Variants in ANKS1A observed in about 807,000 individuals in gnomAD.
The protein encoded by ANKS1A is ankyrin repeat and SAM domain-containing protein 1A.
In ANKS1A, 55 loss-of-function variants were observed where a neutral mutation model predicts 120.3. The ratio of observed to expected loss-of-function variants is 0.46; its 90% CI spans 0.37 to 0.57. ANKS1A has a LOEUF of 0.57. Ranked by LOEUF, ANKS1A falls within the 20% of genes least tolerant of loss-of-function variation. ANKS1A has a pLI of 0.00. For missense variants in ANKS1A, 1,123 were observed against 1,480.3 expected, an observed-to-expected ratio of 0.76 and a Z score of 3.96; for synonymous variants, 590 against 604.7, an observed-to-expected ratio of 0.98 and a Z score of 0.36.
chr6:34,982,072 T>C lies in ANKS1A; in HGVS notation c.732+86T>C, dbSNP rs1285282137. On this transcript the variant is annotated intron_variant, in intron 4 of 23. Coordinates refer to ENST00000360359, the MANE Select transcript of ANKS1A (RefSeq NM_015245.3). The surrounding 1 kb of genome is among the most constrained non-coding windows in gnomAD (Gnocchi z 4.9). Reference sequence around the variant, plus strand: ...CAAGGACCATGCTGCTGGGCTGTGCTCTTTATTTAGCACGTTTCACATCAT... The same window carrying C: ...CAAGGACCATGCTGCTGGGCTGTGCCCTTTATTTAGCACGTTTCACATCAT... The C allele has an allele frequency of 1.3e-5, 20 of 1,489,580 alleles. No homozygotes were observed. The highest frequency in any genetic ancestry group is 1.7e-5 in the Non-Finnish European group (19 of 1,105,744). The allele number at this position is 1,489,580 out of a possible 1,614,324, so 92.3% of individuals were successfully genotyped here. A position where few individuals can be genotyped will look rare whatever the true frequency, so the allele number is the denominator to read the frequency against.
chr6:35,086,032 C>A lies in ANKS1A; in HGVS notation c.3303+96C>A. Reference sequence around the variant, plus strand: ...CGTGAGGAGGGTCTTCTGGCACTTCCAGAAAGCTGGCCCTCCAGGGAAATG... The same window carrying A: ...CGTGAGGAGGGTCTTCTGGCACTTCAAGAAAGCTGGCCCTCCAGGGAAATG... On this transcript the variant is annotated intron_variant, in intron 22 of 23. Coordinates refer to ENST00000360359, the MANE Select transcript of ANKS1A (RefSeq NM_015245.3). This position sits in a 1 kb window ranked among gnomAD's most constrained non-coding sequence, Gnocchi z 5.1. The A allele has an allele frequency of 6.9e-7, 1 of 1,440,130 alleles. No individual in the cohort carries two copies. Among genetic ancestry groups the A allele is most frequent in the African/African-American group, 1.4e-5 (1 of 70,428 alleles). The allele number at this position is 1,440,130 out of a possible 1,614,324, so 89.2% of individuals were successfully genotyped here.
the ANKS1A span, among the ~76,000 whole-genome samples, chr6:35,097,637 G>GAAAAAAAAAA: frequency 4.5e-5 from 4 of 89,738 alleles, no homozygotes; most frequent in Admixed American, 1.2e-4. Context: ...AAAGCCAAAA[G>GAAAAAAAAAA]AAAAAAAAAA....
At chr6:35,083,619 TC>T in intron 20 of ANKS1A, 116 bp downstream of exon 20, 2 of 938,572 alleles carry the variant, frequency 2.1e-6, no homozygotes, top group Non-Finnish European at 1.7e-6. Flanking sequence ...CCCTAGAGGG[TC>T]CCCAGTCCTC....
rs142362095 is a variant in ANKS1A at position 34,961,628 on chromosome 6, G to A, written c.198-5611G>A. Among the ~76,000 whole-genome samples, 304 of 152,244 alleles carry A rather than the reference G, an allele frequency of 2.0e-3. 1 individual carries two copies. Among genetic ancestry groups the A allele is most frequent in the African/African-American group, 6.8e-3 (284 of 41,552 alleles). On this transcript the variant is annotated intron_variant, in intron 1 of 23. Coordinates refer to ENST00000360359, the MANE Select transcript of ANKS1A (RefSeq NM_015245.3). ...AGGCAAAAGTTAGAAAACGATGAAA[G>A]GCTTGCTTCATCCTGCCTTTTTGTT...
chr6:34,924,456 T>C (rs1454714770), intron 1 of ANKS1A, among the ~76,000 whole-genome samples: 1 of 152,186 alleles, frequency 6.6e-6, no homozygotes, highest in Non-Finnish European at 1.5e-5. Context: ...CCTTTAACCC[T>C]ATCTAAAGGA....
rs527457516 is a variant in ANKS1A at position 35,056,425 on chromosome 6, A to G, written c.2077+2260A>G. 2.6e-5 allele frequency among the ~76,000 whole-genome samples: 4 copies of G among 152,306 alleles called. No homozygotes were observed. In the South Asian group the frequency reaches 8.3e-4, roughly 32 times the overall value. On this transcript the variant is annotated intron_variant, in intron 12 of 23. Coordinates refer to ENST00000360359, the MANE Select transcript of ANKS1A (RefSeq NM_015245.3). ...TGCCTCAGCCTCCCGAGTAGCTGGG[A>G]CTACAGGCGCCCGCCACCACGCCCG...
intron 1 of ANKS1A, among the ~76,000 whole-genome samples, chr6:34,955,441 T>G (rs1182681599): frequency 6.6e-6 from 1 of 152,208 alleles, no homozygotes; most frequent in Non-Finnish European, 1.5e-5. Context: ...CTGGCCATTT[T>G]CTGAGTTTTC....
At chr6:35,024,450 A>G (rs1266507569) in intron 11 of ANKS1A, among the ~76,000 whole-genome samples, 1 of 152,244 alleles carries the variant, frequency 6.6e-6, no homozygotes, top group Non-Finnish European at 1.5e-5. Context: ...GTCATTTAAA[A>G]CTTGGCTAAA....
At position 34,967,181 on chromosome 6, in the gene ANKS1A, T is replaced by C. The variant is rs147203909; in HGVS notation, c.198-58T>C. The C allele has an allele frequency of 5.2e-3, 8,140 of 1,560,976 alleles. 51 individuals carry two copies. The highest frequency in any genetic ancestry group is 0.019 in the South Asian group (1,702 of 88,032). On this transcript the variant is annotated intron_variant, in intron 1 of 23. Transcript: ENST00000360359. The stretch of plus-strand genomic sequence containing the variant: ...CTAATTAGCTAGCTATCTCTAACTT[T>C]GGTTTGTGACTTCGGTCTGTGAAAT...
chr6:34,965,223 T>A (rs2127505889), intron 1 of ANKS1A, among the ~76,000 whole-genome samples: 1 of 152,354 alleles, frequency 6.6e-6, no homozygotes, highest in African/African-American at 2.4e-5. Context: ...TGTTTCTTTT[T>A]TCTCCTTAAC....
intron 1 of ANKS1A, among the ~76,000 whole-genome samples, chr6:34,963,469 G>GGA (rs1443809483): frequency 1.3e-5 from 2 of 152,132 alleles, no homozygotes; most frequent in East Asian, 3.9e-4. Flanking sequence ...CCTTTCCTAA[G>GGA]GAAAGTATGT....
rs532312558 is a variant in ANKS1A, at chr6:35,028,884, A to G, written c.2010+10825A>G. ...TTTTACTGATTAAAGCATTGCTGCA[A>G]TGCAAATCCTTGTACAGAGTCATTG... On this transcript the variant is annotated intron_variant, in intron 11 of 23. Transcript: ENST00000360359. Among the ~76,000 whole-genome samples the G allele has an allele frequency of 4.6e-5, 7 of 152,328 alleles. No homozygotes were observed. In the East Asian group the frequency reaches 9.6e-4, roughly 21 times the overall value.
intron 10 of ANKS1A, among the ~76,000 whole-genome samples, chr6:34,999,293 C>T (rs539182304): frequency 7.3e-4 from 111 of 152,274 alleles, no homozygotes; most frequent in African/African-American, 2.4e-3. Flanking sequence ...GTGCCTGTAC[C>T]GGCACTTTGG....
intron 1 of ANKS1A, among the ~76,000 whole-genome samples, chr6:34,893,641 C>A (rs1766928186): frequency 6.6e-6 from 1 of 152,124 alleles, no homozygotes; most frequent in South Asian, 2.1e-4. Context: ...CAGAATTAGC[C>A]CCTCTCTTCA....
At chr6:35,080,036 C>A in intron 16 of ANKS1A, 108 bp downstream of exon 16, 2 of 1,258,148 alleles carry the variant, frequency 1.6e-6, no homozygotes, top group African/African-American at 1.5e-5. Context: ...TAGGAGAAAG[C>A]AGCTCCAACA....
At chr6:34,985,522 C>G (rs1056631963) in intron 8 of ANKS1A, among the ~76,000 whole-genome samples, 1 of 152,184 alleles carries the variant, frequency 6.6e-6, no homozygotes, top group Non-Finnish European at 1.5e-5. Flanking sequence ...CAGCTTGCAT[C>G]TTTACGTGAC....
chr6:34,989,132 T>C, intron 8 of ANKS1A, 92 bp from the exon 9 acceptor site: 1 of 1,201,668 alleles, frequency 8.3e-7, no homozygotes. Flanking sequence ...TACATTATTT[T>C]TTTCATTTCT....
Position 35,017,520 on chromosome 6 carries a change from C to A in ANKS1A, c.1471C>A (p.Gln491Lys). 6.2e-7 allele frequency: 1 copy of A among 1,613,784 alleles called. No individual in the cohort carries two copies. Among genetic ancestry groups the A allele is most frequent in the East Asian group, 2.2e-5 (1 of 44,878 alleles). Residue 491 changes from glutamine to lysine, a missense_variant, in exon 11 of 24, where the codon CAG (glutamine) becomes AAG (lysine). Gln to Lys is a moderately conservative substitution (Grantham distance 53). Transcript: ENST00000360359. ...CCGGAGCCAGGACTCTGCGGAGGGG[C>A]AGGACGGGCAGGTCCCAGAGCAGTT... ...SSRSQDSAEGQDGQVPEQFSG... is the reference protein window; with the variant it reads ...SSRSQDSAEGKDGQVPEQFSG...
chr6:34,973,705 A>G (rs998245237), intron 3 of ANKS1A, among the ~76,000 whole-genome samples: 4 of 152,118 alleles, frequency 2.6e-5, no homozygotes, highest in East Asian at 1.9e-4. Context: ...GAAGCCCCCT[A>G]TGGGCTGGAC....
Sources: allele counts gnomAD v4.1 joint callset (sites outside exome capture counted in the v4.1 genomes callset), GRCh38; gene constraint gnomAD v4.1.1; non-coding constraint Gnocchi (gnomAD v3.1); transcripts MANE v1.5; gene names NCBI Gene and HGNC (gene_info 2026-07-23, HGNC 2026-07-21).